HPCAL1: variants seen among roughly 807,000 people sequenced by gnomAD.
The protein encoded by HPCAL1 is hippocalcin like 1, also known as hippocalcin-like protein 1.
A neutral mutation model predicts 17.1 loss-of-function variants in HPCAL1; 8 were observed. The observed-to-expected ratio is 0.47, with a 90% CI of 0.27 to 0.84. HPCAL1 has a LOEUF of 0.84. HPCAL1 is among the 40% of genes least tolerant of loss of function. The pLI, the probability that HPCAL1 is intolerant of heterozygous loss-of-function variation, is 0.13. For synonymous variants in HPCAL1, 112 were observed against 111.4 expected (o/e 1.01, Z -0.03); for missense variants, 165 against 271.1 (o/e 0.61, Z 2.75).
At chr2:10,375,540 A>AT (rs920226511) in intron 1 of HPCAL1, among the ~76,000 whole-genome samples, 18 of 152,254 alleles carry the variant, frequency 1.2e-4, no homozygotes, top group Non-Finnish European at 1.0e-4. Flanking sequence ...AAGAACACAA[A>AT]TTACGGTGAT....
At chr2:10,382,313 C>T (rs1247639276) in intron 1 of HPCAL1, among the ~76,000 whole-genome samples, 1 of 152,120 alleles carries the variant, frequency 6.6e-6, no homozygotes, top group Non-Finnish European at 1.5e-5. Context: ...GAGCACAGGG[C>T]ATTTTTAAGG....
rs769834862 is a variant in HPCAL1, at chr2:10,342,205, G to A, written c.-111+39028G>A. On this transcript the variant is annotated intron_variant, in intron 1 of 4. Transcript: ENST00000307845. The surrounding 1 kb of genome is among the most constrained non-coding windows in gnomAD (Gnocchi z 4.1). The stretch of plus-strand genomic sequence containing the variant: ...TAATAATAATAAAGCTTTGCTCCCC[G>A]TTTCATTTAGATGGAGCGTTTGTGG... Among the ~76,000 whole-genome samples, 1 of 152,038 alleles carries A rather than the reference G, an allele frequency of 6.6e-6. No homozygotes were observed. The highest frequency in any genetic ancestry group is 6.6e-5 in the Admixed American group (1 of 15,264).
rs749597623 is a variant in HPCAL1 at position 10,363,286 on chromosome 2, C to T, written c.-110-33549C>T. On this transcript the variant is annotated intron_variant, in intron 1 of 4. Coordinates refer to ENST00000307845, the MANE Select transcript of HPCAL1 (RefSeq NM_002149.4). The surrounding 1 kb of genome is among the most constrained non-coding windows in gnomAD (Gnocchi z 4.7). Reference sequence around the variant, plus strand: ...TGCAGCCCTTCTGAGGTCACTGCCACACCATGGCAAGAAAAGTATTTCTGA... The same window carrying T: ...TGCAGCCCTTCTGAGGTCACTGCCATACCATGGCAAGAAAAGTATTTCTGA... 6.6e-6 allele frequency among the ~76,000 whole-genome samples: 1 copy of T among 152,102 alleles called. No individual in the cohort carries two copies. Among genetic ancestry groups the T allele is most frequent in the African/African-American group, 2.4e-5 (1 of 41,392 alleles).
rs868201291 is a variant in HPCAL1, at chr2:10,398,595, C to T, written c.-25+1675C>T. On this transcript the variant is annotated intron_variant, in intron 2 of 4. Coordinates refer to ENST00000307845, the MANE Select transcript of HPCAL1 (RefSeq NM_002149.4). ...TCAGCCCAGGGCCCAGGGCAGACCC[C>T]GGGCGTGGCTGCTTTCCCGCTGGGC... Among the ~76,000 whole-genome samples, 13 of 152,264 alleles carry T rather than the reference C, an allele frequency of 8.5e-5. No individual in the cohort carries two copies. The Middle Eastern group carries it at 0.01, about 120-fold the overall frequency.
intron 2 of HPCAL1, among the ~76,000 whole-genome samples, chr2:10,399,418 C>T (rs868591460): frequency 0.011 from 421 of 38,632 alleles, no homozygotes; most frequent in Non-Finnish European, 0.014. Context: ...ACCACCACCA[C>T]CACCATCACC....
chr2:10,304,068 C>A lies in HPCAL1; in HGVS notation c.-111+891C>A. 1 of 152,192 alleles carries A rather than the reference C, an allele frequency of 6.6e-6. No homozygotes were observed. The highest frequency in any genetic ancestry group is 1.5e-5 in the Non-Finnish European group (1 of 68,032). The allele number at this position is 152,192 out of a possible 1,614,324, so 9.4% of individuals were successfully genotyped here. On this transcript the variant is annotated intron_variant, in intron 1 of 4. Coordinates refer to ENST00000307845, the MANE Select transcript of HPCAL1 (RefSeq NM_002149.4). The surrounding 1 kb of genome is among the most constrained non-coding windows in gnomAD (Gnocchi z 4.1). ...TGCCTCTCCCTGGCCCTAACTTAAC[C>A]GCGAAGCACTGAGATTCGAGAAAGT...
At chr2:10,315,344 C>T (rs139434857) in intron 1 of HPCAL1, among the ~76,000 whole-genome samples, 21 of 151,138 alleles carry the variant, frequency 1.4e-4, no homozygotes, top group African/African-American at 4.9e-4. Flanking sequence ...TATGTTTGGA[C>T]GGGGAAGAAA....
At chr2:10,376,492 G>A (rs1429462744) in intron 1 of HPCAL1, among the ~76,000 whole-genome samples, 2 of 151,376 alleles carry the variant, frequency 1.3e-5, no homozygotes, top group African/African-American at 4.9e-5. Flanking sequence ...CTGCAGTGCA[G>A]TGGCACAATC....
At chr2:10,393,710 G>A (rs1463943268) in intron 1 of HPCAL1, among the ~76,000 whole-genome samples, 1 of 152,190 alleles carries the variant, frequency 6.6e-6, no homozygotes, top group Non-Finnish European at 1.5e-5. Flanking sequence ...GATAGGGTGT[G>A]CTTGCTGAGC....
chr2:10,352,354 C>T (rs1392293041), intron 1 of HPCAL1, among the ~76,000 whole-genome samples: 3 of 152,178 alleles, frequency 2.0e-5, no homozygotes, highest in African/African-American at 4.8e-5. Flanking sequence ...CCTTCCCCAT[C>T]CCTTTGTAGC....
chr2:10,320,759 C>CTCAT (rs549232753), intron 1 of HPCAL1, among the ~76,000 whole-genome samples: 1 of 152,318 alleles, frequency 6.6e-6, no homozygotes, highest in South Asian at 2.1e-4. Flanking sequence ...CATTCACTCA[C>CTCAT]TCATTCATTC....
intron 1 of HPCAL1, among the ~76,000 whole-genome samples, chr2:10,338,826 G>T (rs1000048108): frequency 6.6e-6 from 1 of 152,224 alleles, no homozygotes; most frequent in Non-Finnish European, 1.5e-5. Flanking sequence ...AGAGATGGAG[G>T]CAGCCAGAAG....
rs539247028 is a variant in HPCAL1 at position 10,399,044 on chromosome 2, G to A, written c.-25+2124G>A. On this transcript the variant is annotated intron_variant, in intron 2 of 4. Coordinates refer to ENST00000307845, the MANE Select transcript of HPCAL1 (RefSeq NM_002149.4). Reference sequence around the variant, plus strand: ...AGGCCACTGTCAGCACGGGTGCACAGGGGAGGCGCCTGGCCCGGCAGGTCG... The same window carrying A: ...AGGCCACTGTCAGCACGGGTGCACAAGGGAGGCGCCTGGCCCGGCAGGTCG... Among the ~76,000 whole-genome samples, 61 of 151,938 alleles carry A rather than the reference G, an allele frequency of 4.0e-4. No individual in the cohort carries two copies. The East Asian group carries it at 0.011, about 29-fold the overall frequency.
At chr2:10,418,544 G>A (rs924134036) in intron 2 of HPCAL1, among the ~76,000 whole-genome samples, 14 of 151,818 alleles carry the variant, frequency 9.2e-5, no homozygotes, top group African/African-American at 3.1e-4. Flanking sequence ...CTTTCATAAT[G>A]GAGAGCTGGT....
intron 1 of HPCAL1, among the ~76,000 whole-genome samples, chr2:10,322,869 C>CTTTT (rs1663760789): frequency 1.3e-5 from 2 of 152,206 alleles, no homozygotes; most frequent in Admixed American, 6.5e-5. Flanking sequence ...CACCGCTTGT[C>CTTTT]ACGTTTTATG....
chr2:10,411,456 A>G (rs1670347768), intron 2 of HPCAL1, among the ~76,000 whole-genome samples: 1 of 152,174 alleles, frequency 6.6e-6, no homozygotes, highest in African/African-American at 2.4e-5. Flanking sequence ...GATGTGGCCT[A>G]CAGGGACTGG....
chr2:10,426,428 G>A (rs1391861956), intron 4 of HPCAL1: 6 of 375,050 alleles, frequency 1.6e-5, no homozygotes, highest in African/African-American at 8.2e-5. Flanking sequence ...CTTAATAAGC[G>A]AAGTGTGGGG....
intron 1 of HPCAL1, among the ~76,000 whole-genome samples, chr2:10,320,411 G>C (rs959906279): frequency 6.6e-6 from 1 of 152,128 alleles, no homozygotes; most frequent in African/African-American, 2.4e-5. Flanking sequence ...CTGGTTGTTT[G>C]AAAGTGTGAA....
chr2:10,346,070 G>C (rs1665421485), intron 1 of HPCAL1, among the ~76,000 whole-genome samples: 1 of 152,120 alleles, frequency 6.6e-6, no homozygotes, highest in South Asian at 2.1e-4. Context: ...GAGAGAGCCA[G>C]GCTGTGTGTG....
Sources: allele counts gnomAD v4.1 joint callset (sites outside exome capture counted in the v4.1 genomes callset), GRCh38; gene constraint gnomAD v4.1.1; non-coding constraint Gnocchi (gnomAD v3.1); transcripts MANE v1.5; gene names NCBI Gene and HGNC (gene_info 2026-07-23, HGNC 2026-07-21).